The following ADK variants were observed in gnomAD, a reference collection of about 807,000 sequenced individuals.
The protein encoded by ADK is N6,N6-dimethyladenosine kinase.
ADK carries 24 observed loss-of-function variants against 44.7 expected under a neutral mutation model. The observed-to-expected ratio is 0.54, with a 90% CI of 0.39 to 0.76. The LOEUF (loss-of-function observed/expected upper bound fraction) is 0.76, where lower values mean the gene tolerates loss of function less well. ADK is among the 30% of genes least tolerant of loss of function. The pLI is 0.00. For synonymous variants in ADK, 128 were observed against 142.6 expected, an observed-to-expected ratio of 0.90 and a Z score of 0.73; for missense variants, 321 against 425.1, an observed-to-expected ratio of 0.76 and a Z score of 2.15.
chr10:74,377,713 T>G (rs888251954), intron 4 of ADK, among the ~76,000 whole-genome samples: 10 of 152,176 alleles, frequency 6.6e-5, no homozygotes, highest in African/African-American at 2.2e-4. Flanking sequence ...GGAAGAATTT[T>G]CCATTCTTTC....
At chr10:74,661,803 A>T (rs1854740754) in intron 9 of ADK, among the ~76,000 whole-genome samples, 1 of 152,216 alleles carries the variant, frequency 6.6e-6, no homozygotes, top group Non-Finnish European at 1.5e-5. Context: ...CTCCTGTTGC[A>T]GTTATAATAG....
chr10:74,201,676 G>GTATGTATGTATC (rs1375192485), intron 2 of ADK, among the ~76,000 whole-genome samples: 15 of 117,468 alleles, frequency 1.3e-4, no homozygotes, highest in African/African-American at 4.5e-4. Flanking sequence ...ATGTATGTAT[G>GTATGTATGTATC]TATCTATCTA....
intron 1 of ADK, among the ~76,000 whole-genome samples, chr10:74,176,031 GT>G: frequency 6.6e-6 from 1 of 151,978 alleles, no homozygotes; most frequent in Non-Finnish European, 1.5e-5. Flanking sequence ...AGGTAATTGT[GT>G]CAAATAGGAT....
At chr10:74,370,770 A>G (rs1487771810) in intron 4 of ADK, among the ~76,000 whole-genome samples, 1 of 151,984 alleles carries the variant, frequency 6.6e-6, no homozygotes, top group Admixed American at 6.6e-5. Context: ...AGAGATGGGG[A>G]TCATACTATG....
At chr10:74,223,009 A>G (rs894275689) in intron 2 of ADK, among the ~76,000 whole-genome samples, 6 of 152,204 alleles carry the variant, frequency 3.9e-5, no homozygotes, top group Non-Finnish European at 7.3e-5. Context: ...CTTAAAGTAT[A>G]ATAATAAAAA....
At chr10:74,454,316 G>A (rs1845867988) in intron 6 of ADK, among the ~76,000 whole-genome samples, 1 of 152,046 alleles carries the variant, frequency 6.6e-6, no homozygotes, top group African/African-American at 2.4e-5. Context: ...ACTAGCAAAA[G>A]TTTTGAAGTA....
chr10:74,584,468 A>G (rs1851466984), intron 7 of ADK, among the ~76,000 whole-genome samples: 2 of 152,100 alleles, frequency 1.3e-5, no homozygotes, highest in African/African-American at 2.4e-5. Context: ...TCCATTGGCT[A>G]TAATTGCTTC....
chr10:74,488,374 CGTGTGTGTGT>C (rs60178427), intron 6 of ADK, among the ~76,000 whole-genome samples: 17 of 140,870 alleles, frequency 1.2e-4, no homozygotes, highest in East Asian at 1.0e-3. Context: ...GGAAAAAAGA[CGTGTGTGTGT>C]GTGTGTGTGT....
chr10:74,558,744 G>A (rs906644418), intron 7 of ADK, among the ~76,000 whole-genome samples: 8 of 152,148 alleles, frequency 5.3e-5, no homozygotes, highest in African/African-American at 1.4e-4. Flanking sequence ...TTTGAAGTGG[G>A]GATGGGCCAT....
At chr10:74,609,829 T>G (rs1438283160) in intron 9 of ADK, among the ~76,000 whole-genome samples, 1 of 152,236 alleles carries the variant, frequency 6.6e-6, no homozygotes, top group African/African-American at 2.4e-5. Context: ...TAAACTACTT[T>G]GTCTTATTTT....
intron 7 of ADK, among the ~76,000 whole-genome samples, chr10:74,540,931 G>C (rs1849604871): frequency 6.6e-6 from 1 of 152,134 alleles, no homozygotes; most frequent in East Asian, 1.9e-4. Context: ...CCAAAATTCT[G>C]ACATGAGGGA....
chr10:74,238,335 C>CTGGCAACGCGGAAATGGCTGTTGACT (rs1845054312), intron 3 of ADK, among the ~76,000 whole-genome samples: 1 of 152,166 alleles, frequency 6.6e-6, no homozygotes, highest in East Asian at 1.9e-4. Context: ...TAGAGCTCCA[C>CTGGCAACGCGGAAATGGCTGTTGACT]TGGCAACGCG....
At chr10:74,234,657 G>C (rs1370239718) in intron 3 of ADK, among the ~76,000 whole-genome samples, 1 of 152,158 alleles carries the variant, frequency 6.6e-6, no homozygotes, top group Non-Finnish European at 1.5e-5. Context: ...TAAAACTTTA[G>C]AGGATAAAGT....
At chr10:74,536,291 G>T (rs369884059) in intron 7 of ADK, among the ~76,000 whole-genome samples, 16 of 151,968 alleles carry the variant, frequency 1.1e-4, no homozygotes, top group African/African-American at 3.9e-4. Context: ...TGTGACCCCA[G>T]TATTCCTTTT....
At chr10:74,515,895 C>T (rs1372580352) in intron 6 of ADK, among the ~76,000 whole-genome samples, 2 of 152,128 alleles carry the variant, frequency 1.3e-5, no homozygotes, top group African/African-American at 2.4e-5. Context: ...CAGCCTTCAC[C>T]AGCTTGGATC....
intron 2 of ADK, among the ~76,000 whole-genome samples, chr10:74,223,540 A>C (rs996924539): frequency 1.3e-5 from 2 of 152,160 alleles, no homozygotes; most frequent in Admixed American, 6.5e-5. Flanking sequence ...CAGGCAGATT[A>C]ATTTTAAATT....
intron 9 of ADK, among the ~76,000 whole-genome samples, chr10:74,642,983 G>A (rs776903885): frequency 9.9e-5 from 15 of 151,806 alleles, no homozygotes; most frequent in Non-Finnish European, 1.9e-4. Context: ...AGGACTACAG[G>A]TGTGTGCCAC....
At chr10:74,495,525 C>G (rs117423239) in intron 6 of ADK, among the ~76,000 whole-genome samples, 1 of 152,168 alleles carries the variant, frequency 6.6e-6, no homozygotes, top group Non-Finnish European at 1.5e-5. Flanking sequence ...AAAATGGATT[C>G]TCTAATTTTC....
intron 1 of ADK, among the ~76,000 whole-genome samples, chr10:74,181,219 G>A (rs1221694268): frequency 6.6e-6 from 1 of 151,850 alleles, no homozygotes; most frequent in African/African-American, 2.4e-5. Context: ...CAACTCTGAG[G>A]AATTCCTAAA....
Sources: gnomAD v4.1 joint callset for allele counts (sites outside exome capture counted in the v4.1 genomes callset) on GRCh38, gnomAD v4.1.1 for gene constraint, MANE v1.5 for transcripts, NCBI Gene and HGNC (gene_info 2026-07-23, HGNC 2026-07-21) for gene names.